The following MED14 variants were observed in gnomAD, a reference collection of about 807,000 sequenced individuals.
MED14 encodes the protein mediator of RNA polymerase II transcription subunit 14.
Under a neutral mutation model 109.0 loss-of-function variants are expected in MED14, and 8 were observed. That is an observed-to-expected ratio of 0.07 (90% CI 0.04 to 0.13). The LOEUF (loss-of-function observed/expected upper bound fraction) is 0.13. MED14 is among the 10% of genes least tolerant of loss of function. The pLI is 1.00. For missense variants in MED14, 711 were observed against 1,142.4 expected, an observed-to-expected ratio of 0.62 and a Z score of 5.44; for synonymous variants, 399 against 408.7, an observed-to-expected ratio of 0.98 and a Z score of 0.29.
intron 23 of MED14, among the ~76,000 whole-genome samples, chrX:40,671,321 T>C (rs1012175056): frequency 2.7e-5 from 3 of 111,911 alleles, no homozygotes; most frequent in Non-Finnish European, 3.8e-5. Flanking sequence ...TCTCAAGCAC[T>C]TTTACGGTGC....
intron 11 of MED14, among the ~76,000 whole-genome samples, chrX:40,702,528 A>G (rs1461177238): frequency 9.1e-6 from 1 of 109,781 alleles, no homozygotes; most frequent in Non-Finnish European, 1.9e-5. Context: ...TTGTGTTTTT[A>G]GTAGAGACAG....
At chrX:40,706,553 G>A (rs1188237328) in intron 10 of MED14, among the ~76,000 whole-genome samples, 3 of 111,345 alleles carry the variant, frequency 2.7e-5, no homozygotes, top group Non-Finnish European at 5.7e-5. Flanking sequence ...TGAGGAGAAT[G>A]GCCCAAATAG....
chrX:40,670,680 G>A lies in MED14; in HGVS notation c.3133+1181C>T, dbSNP rs185998340. Reference sequence around the variant, plus strand: ...GGAGGCTGAGGCAGGAGAATGGCGTGAACCCGGGAAGCGGAGCTTGCAGTG... The same window carrying A: ...GGAGGCTGAGGCAGGAGAATGGCGTAAACCCGGGAAGCGGAGCTTGCAGTG... On this transcript the variant is annotated intron_variant, in intron 23 of 30. Transcript: ENST00000324817. Among the ~76,000 whole-genome samples the A allele has an allele frequency of 5.5e-3, 607 of 109,426 alleles. 7 individuals carry two copies. The highest frequency in any genetic ancestry group is 0.019 in the African/African-American group (563 of 29,916).
intron 15 of MED14, among the ~76,000 whole-genome samples, chrX:40,690,418 T>C (rs1305458975): frequency 2.7e-5 from 3 of 111,241 alleles, no homozygotes; most frequent in Non-Finnish European, 3.8e-5. Flanking sequence ...CACTGCCTGG[T>C]TTTTTTGTTT....
In MED14 at chrX:40,702,043, G is replaced by A. The variant is rs143898361; in HGVS notation, c.1412-800C>T. 6.8e-3 allele frequency among the ~76,000 whole-genome samples: 761 copies of A among 111,714 alleles called. 5 individuals carry two copies. The highest frequency in any genetic ancestry group is 0.023 in the African/African-American group (722 of 30,739). Reference sequence around the variant, plus strand: ...GCTCTCTCAGCCATGTGAAGACACAGCAAGAAGGCAGCTGTCTATATACAA... The same window carrying A: ...GCTCTCTCAGCCATGTGAAGACACAACAAGAAGGCAGCTGTCTATATACAA... On this transcript the variant is annotated intron_variant, in intron 11 of 30. Coordinates refer to ENST00000324817, the MANE Select transcript of MED14 (RefSeq NM_004229.4).
intron 10 of MED14, among the ~76,000 whole-genome samples, chrX:40,708,701 G>T (rs1931234475): frequency 8.9e-6 from 1 of 111,882 alleles, no homozygotes; most frequent in South Asian, 3.7e-4. Context: ...CTTTCTAAAT[G>T]ACTGTCCCTC....
chrX:40,657,122 C>T (rs1211508104), intron 28 of MED14, among the ~76,000 whole-genome samples: 1 of 111,520 alleles, frequency 9.0e-6, no homozygotes, highest in African/African-American at 3.3e-5. Flanking sequence ...CTCCCAACCT[C>T]ACGTGATCCA....
At position 40,709,945 on chromosome X, in the gene MED14, T is replaced by C. The variant is rs1403268529; in HGVS notation, c.1173+34A>G. The C allele has an allele frequency of 6.8e-6, 7 of 1,035,104 alleles. No homozygotes were observed. In the East Asian group the frequency reaches 2.2e-4, roughly 33 times the overall value. The allele number at this position is 1,035,104 out of a possible 1,213,427, so 85.3% of individuals were successfully genotyped here. ...GGATAAATGGCAAGTTACATTCATT[T>C]AAACCAATATGAAAATATATTGAGA... On this transcript the variant is annotated intron_variant, in intron 9 of 30. Coordinates refer to ENST00000324817, the MANE Select transcript of MED14 (RefSeq NM_004229.4).
chrX:40,665,390 T>C (rs1467577402), intron 24 of MED14, among the ~76,000 whole-genome samples: 1 of 110,576 alleles, frequency 9.0e-6, no homozygotes, highest in Non-Finnish European at 1.9e-5. Flanking sequence ...CCAGGCGTGG[T>C]TGTGCACATC....
chrX:40,710,563 C>T (rs1444964962), intron 8 of MED14, among the ~76,000 whole-genome samples: 1 of 111,695 alleles, frequency 9.0e-6, no homozygotes, highest in Non-Finnish European at 1.9e-5. Flanking sequence ...TTTTAACAGG[C>T]ACAATTCAAA....
intron 3 of MED14, 107 bp downstream of exon 3, chrX:40,726,637 CAT>C (rs1225188467): frequency 2.4e-5 from 13 of 548,624 alleles, no homozygotes; most frequent in Admixed American, 2.0e-4. Context: ...TGATTATTCA[CAT>C]GTCACTCAAA....
chrX:40,729,252 CCCACACACCAA>C, intron 2 of MED14, 56 bp downstream of exon 2: 1 of 1,085,031 alleles, frequency 9.2e-7, no homozygotes, highest in Non-Finnish European at 1.2e-6. Flanking sequence ...ACCACCCATA[CCCACACACCAA>C]CACTCATAGA....
rs757827386 is a variant in MED14, at chrX:40,714,702, T to C, written c.357A>G (p.Ser119=). Residue 119 remains serine (S), a synonymous_variant, in exon 4 of 31, where the codon TCA becomes TCG. Transcript: ENST00000324817. ...GGATGGCTTGCTGATCTAAAAAGCT[T>C]GAAATCATCTTTAAAGTAAAGGGTA... ...AGKVEKCAMI[S]SFLDQQAILF... The C allele has an allele frequency of 2.5e-6, 3 of 1,207,232 alleles. No homozygotes were observed. In the African/African-American group the frequency reaches 5.2e-5, roughly 21 times the overall value.
intron 22 of MED14, among the ~76,000 whole-genome samples, chrX:40,674,869 C>T (rs1049092715): frequency 8.9e-6 from 1 of 112,382 alleles, no homozygotes; most frequent in Non-Finnish European, 1.9e-5. Flanking sequence ...TACTGAACAT[C>T]GCTAGACATT....
rs138301407 is a variant in MED14 at position 40,729,453 on chromosome X, G to C, written c.216-108C>G. On this transcript the variant is annotated intron_variant, in intron 1 of 30. Transcript: ENST00000324817. The stretch of plus-strand genomic sequence containing the variant: ...AATACGTTAATGTTTCAGAAAAACT[G>C]GGTAAACAGCTACTACAGGCTCATG... 721 of 763,364 alleles carry C rather than the reference G, an allele frequency of 9.4e-4. 5 individuals carry two copies. In the African/African-American group the frequency reaches 0.014, roughly 15 times the overall value. The allele number at this position is 763,364 out of a possible 1,213,427, so 62.9% of individuals were successfully genotyped here. A position where few individuals can be genotyped will look rare whatever the true frequency, so the allele number is the denominator to read the frequency against.
chrX:40,692,836 C>T lies in MED14; in HGVS notation c.1717G>A (p.Val573Met), dbSNP rs1242149518. 8.3e-7 allele frequency: 1 copy of T among 1,208,994 alleles called. No individual in the cohort carries two copies. The highest frequency in any genetic ancestry group is 1.8e-5 in the South Asian group (1 of 56,226). ...CTGTCTTCACGATCTGCAGCATTCA[C>T]AGACATAAAGTAGTACTTGTACGAC... ...QLSYKYYFMS[V>M]NAADREDSPA... is the part of the protein sequence containing the mutation. The change falls in exon 14 of 31, where the codon GTG becomes ATG. Residue 573 changes from valine to methionine, a missense_variant. This residue lies in a region of MED14 where 388 missense variants were observed against 517.3 expected (regional missense o/e 0.75). Transcript: ENST00000324817.
At chrX:40,695,432 T>C (rs892598116) in intron 13 of MED14, among the ~76,000 whole-genome samples, 2 of 112,366 alleles carry the variant, frequency 1.8e-5, no homozygotes, top group Non-Finnish European at 1.9e-5. Context: ...CATGAACATA[T>C]TACCCCTAAG....
At chrX:40,663,299 A>G (rs1929354498) in intron 25 of MED14, 139 bp from the exon 26 acceptor site, 4 of 512,910 alleles carry the variant, frequency 7.8e-6, no homozygotes, top group Non-Finnish European at 1.3e-5. Context: ...TAACAATCAT[A>G]TATTAACAAC....
In MED14 at chrX:40,681,876, A is replaced by G. The variant is rs1040056011; in HGVS notation, c.2433T>C (p.Cys811=). 3 of 1,151,134 alleles carry G rather than the reference A, an allele frequency of 2.6e-6. No homozygotes were observed. In the African/African-American group the frequency reaches 5.4e-5, roughly 21 times the overall value. The allele number at this position is 1,151,134 out of a possible 1,213,427, so 94.9% of individuals were successfully genotyped here. A position where few individuals can be genotyped will look rare whatever the true frequency, so the allele number is the denominator to read the frequency against. The change falls in exon 19 of 31, where the codon TGT becomes TGC. Residue 811 remains cysteine, a synonymous_variant. Coordinates refer to ENST00000324817, the MANE Select transcript of MED14 (RefSeq NM_004229.4). ...RVYNYRKLIL[C]YGTTKGSSIS... The stretch of plus-strand genomic sequence containing the variant: ...CTGAGCTTCCCTTGGTGGTTCCATA[A>G]CACAAGATAAGTTTTCGGTAATTAT...
Sources: gnomAD v4.1 joint callset for allele counts (sites outside exome capture counted in the v4.1 genomes callset) on GRCh38, gnomAD v4.1.1 for gene constraint, gnomAD v4.1.1 regional missense constraint, MANE v1.5 for transcripts, NCBI Gene and HGNC (gene_info 2026-07-23, HGNC 2026-07-21) for gene names.